Variants in TRAM1 observed in about 807,000 individuals in gnomAD.
The protein encoded by TRAM1 is translocation associated membrane protein 1, also known as translocating chain-associated membrane protein 1.
A neutral mutation model predicts 48.7 loss-of-function variants in TRAM1; 17 were observed. That is an observed-to-expected ratio of 0.35 (90% CI 0.24 to 0.52). TRAM1 has a LOEUF of 0.52. Among genes scored for constraint, TRAM1 ranks in the 20% least tolerant of loss-of-function variants. TRAM1 has a pLI of 0.94. For missense variants in TRAM1, 351 were observed against 441.5 expected (o/e 0.79, Z 1.84); for synonymous variants, 182 against 154.0 (o/e 1.18, Z -1.34).
At chr8:70,576,940 A>C (rs1816967609) in intron 10 of TRAM1, among the ~76,000 whole-genome samples, 1 of 152,120 alleles carries the variant, frequency 6.6e-6, no homozygotes, top group South Asian at 2.1e-4. Context: ...TTTTGGAGTG[A>C]AGGTGAGACT....
chr8:70,591,005 A>AC (rs1177113220), intron 6 of TRAM1, among the ~76,000 whole-genome samples: 2,531 of 134,836 alleles, frequency 0.019, 59 homozygotes, highest in African/African-American at 0.06. Flanking sequence ...CAACAATAAT[A>AC]ATAAAAAAAA....
intron 6 of TRAM1, chr8:70,587,537 TAAACTC>T (rs1817252173): frequency 5.6e-6 from 1 of 179,778 alleles, no homozygotes; most frequent in Admixed American, 5.8e-5. Flanking sequence ...TTCAATCAGA[TAAACTC>T]AAAATCCCTT....
intron 10 of TRAM1, among the ~76,000 whole-genome samples, chr8:70,575,349 C>T (rs1046088949): frequency 2.0e-5 from 3 of 152,136 alleles, no homozygotes; most frequent in African/African-American, 7.2e-5. Context: ...TATTTGTTTA[C>T]AATATAGTAA....
intron 1 of TRAM1, among the ~76,000 whole-genome samples, chr8:70,605,953 T>C (rs920437867): frequency 1.3e-5 from 2 of 152,212 alleles, no homozygotes; most frequent in Non-Finnish European, 2.9e-5. Flanking sequence ...AAATCAAAGT[T>C]ATACTATGTG....
At chr8:70,607,288 C>T (rs2132051220) in intron 1 of TRAM1, 23 of 985,294 alleles carry the variant, frequency 2.3e-5, no homozygotes, top group Non-Finnish European at 2.8e-5. Context: ...ACATTCCCAT[C>T]CTCTCCTACT....
rs1817484644 is a variant in TRAM1, at chr8:70,596,270, G to A, written c.478C>T (p.Leu160=). 1.3e-6 allele frequency: 2 copies of A among 1,592,858 alleles called. No homozygotes were observed. The highest frequency in any genetic ancestry group is 1.7e-6 in the Non-Finnish European group (2 of 1,172,220). The change falls in exon 5 of 11, where the codon CTG becomes TTG. Residue 160 remains leucine (L), a synonymous_variant. Transcript: ENST00000262213. ...TILWRAYPHN[L]MTFQMKFFYI... The stretch of plus-strand genomic sequence containing the variant: ...CTGCTAAAAATGACTTACGTCATCA[G>A]GTTATGGGGATAAGCCCTCCATAAG...
At chr8:70,593,400 TAAA>T (rs751388042) in intron 6 of TRAM1, among the ~76,000 whole-genome samples, 1 of 134,118 alleles carries the variant, frequency 7.5e-6, no homozygotes, top group Admixed American at 7.5e-5. Flanking sequence ...CAAAGGGGAT[TAAA>T]AAAAAAAAAA....
At chr8:70,583,598 AAT>A in intron 9 of TRAM1, 50 bp downstream of exon 9, 1 of 1,571,062 alleles carries the variant, frequency 6.4e-7, no homozygotes, top group Non-Finnish European at 8.6e-7. Flanking sequence ...AGAAACTGAT[AAT>A]ATATATTATC....
chr8:70,602,761 T>C (rs182988992), intron 1 of TRAM1, among the ~76,000 whole-genome samples: 49 of 152,312 alleles, frequency 3.2e-4, no homozygotes, highest in Non-Finnish European at 6.2e-4. Flanking sequence ...GAGTATGACT[T>C]TCTCTGGGAA....
At position 70,586,723 on chromosome 8, in the gene TRAM1, A is replaced by C. The variant is rs546785101; in HGVS notation, c.746+172T>G. On this transcript the variant is annotated intron_variant, in intron 8 of 10. Transcript: ENST00000262213. ...TATCTCTCTAGCTGAGAAAGCCTCC[A>C]TTTTAGAGAGTAAAATACAAAGTCT... Among the ~76,000 whole-genome samples the C allele has an allele frequency of 2.6e-5, 4 of 152,354 alleles. No homozygotes were observed. In the South Asian group the frequency reaches 6.2e-4, roughly 24 times the overall value.
At chr8:70,593,985 A>G (rs1364969613) in intron 6 of TRAM1, among the ~76,000 whole-genome samples, 2 of 152,206 alleles carry the variant, frequency 1.3e-5, no homozygotes, top group African/African-American at 4.8e-5. Context: ...AAAACAAACA[A>G]ATATCCTTTC....
chr8:70,602,314 CA>C (rs1486330853), intron 1 of TRAM1, among the ~76,000 whole-genome samples: 1 of 152,062 alleles, frequency 6.6e-6, no homozygotes, highest in East Asian at 1.9e-4. Flanking sequence ...GATGCCAGGT[CA>C]AATTTTATGT....
In TRAM1 at chr8:70,600,060, A is replaced by C; in HGVS notation, c.146T>G (p.Ile49Ser). The change falls in exon 2 of 11, where the codon ATT becomes AGT. Residue 49 changes from isoleucine to serine, a missense_variant. Ile to Ser is a moderately radical substitution (Grantham distance 142, BLOSUM62 -2). Transcript: ENST00000262213. ...MFEITAKASI[I>S]FVTLQYNVTL... is the part of the protein sequence containing the mutation. ...GACATTGTACTGAAGAGTAACAAAA[A>C]TGATAGAAGCTTTTGCCGTTATCTA... The C allele has an allele frequency of 6.2e-7, 1 of 1,613,916 alleles. No homozygotes were observed. Among genetic ancestry groups the C allele is most frequent in the East Asian group, 2.2e-5 (1 of 44,864 alleles).
At chr8:70,587,316 G>A (rs1462719260) in intron 6 of TRAM1, 140 bp from the exon 7 acceptor site, 1 of 730,494 alleles carries the variant, frequency 1.4e-6, no homozygotes, top group African/African-American at 1.8e-5. Flanking sequence ...GCCTTCCAAA[G>A]GGTTAGGATT....
chr8:70,588,914 G>C (rs1338171825), intron 6 of TRAM1, among the ~76,000 whole-genome samples: 1 of 152,182 alleles, frequency 6.6e-6, no homozygotes, highest in Admixed American at 6.5e-5. Context: ...GGAAATGGTG[G>C]GTTGCTGCTG....
At chr8:70,596,009 A>C (rs142764823) in intron 5 of TRAM1, among the ~76,000 whole-genome samples, 230 of 152,298 alleles carry the variant, frequency 1.5e-3, no homozygotes, top group African/African-American at 5.3e-3. Context: ...AAGGGAAAAG[A>C]AGCGAGTACC....
At chr8:70,607,984 G>A (rs1817788230) in intron 1 of TRAM1, 93 bp downstream of exon 1, 1 of 1,417,154 alleles carries the variant, frequency 7.1e-7, no homozygotes, top group Admixed American at 2.9e-5. Flanking sequence ...CGAGCCCCCC[G>A]CGTCCTGGGC....
intron 10 of TRAM1, among the ~76,000 whole-genome samples, chr8:70,580,970 T>A (rs112149833): frequency 4.6e-5 from 7 of 152,240 alleles, no homozygotes; most frequent in African/African-American, 1.7e-4. Context: ...TTGAAAGAGA[T>A]TAAAAGATCT....
chr8:70,599,297 A>G (rs979206274), intron 2 of TRAM1, among the ~76,000 whole-genome samples: 2 of 152,096 alleles, frequency 1.3e-5, no homozygotes, highest in Non-Finnish European at 2.9e-5. Context: ...CAGCAACAAC[A>G]ACAAAAAACC....
Sources: gnomAD v4.1 joint callset for allele counts (sites outside exome capture counted in the v4.1 genomes callset) on GRCh38, gnomAD v4.1.1 for gene constraint, MANE v1.5 for transcripts, NCBI Gene and HGNC (gene_info 2026-07-23, HGNC 2026-07-21) for gene names.